The following SCUBE1 variants were observed in gnomAD, a reference collection of about 807,000 sequenced individuals.
SCUBE1 encodes the protein signal peptide, CUB domain and EGF like domain containing 1.
A neutral mutation model predicts 124.4 loss-of-function variants in SCUBE1; 59 were observed. That is an observed-to-expected ratio of 0.47 (90% CI 0.38 to 0.59). The LOEUF (loss-of-function observed/expected upper bound fraction) is 0.59, where lower values mean the gene tolerates loss of function less well. Among genes scored for constraint, SCUBE1 ranks in the 20% least tolerant of loss-of-function variants. SCUBE1 has a pLI of 0.00. For missense variants in SCUBE1, 1,150 were observed against 1,371.2 expected (o/e 0.84, Z 2.55); for synonymous variants, 545 against 550.9 (o/e 0.99, Z 0.15).
chr22:43,298,592 C>T (rs1345479297), intron 3 of SCUBE1, among the ~76,000 whole-genome samples: 1 of 152,248 alleles, frequency 6.6e-6, no homozygotes, highest in Admixed American at 6.5e-5. Context: ...TCCAGCCCAG[C>T]CGCTGCCCTG....
At chr22:43,330,579 G>A (rs772656424) in intron 2 of SCUBE1, among the ~76,000 whole-genome samples, 8 of 152,242 alleles carry the variant, frequency 5.3e-5, no homozygotes, top group Non-Finnish European at 1.0e-4. Context: ...CAGAGTAGGT[G>A]CTCAGTGAAC....
At chr22:43,274,539 G>A (rs1277959537) in intron 4 of SCUBE1, among the ~76,000 whole-genome samples, 1 of 152,160 alleles carries the variant, frequency 6.6e-6, no homozygotes, top group East Asian at 1.9e-4. Context: ...ACAGGGAAAA[G>A]GTCTGTTTTT....
At chr22:43,271,120 T>C (rs1470384687) in intron 4 of SCUBE1, among the ~76,000 whole-genome samples, 5 of 152,196 alleles carry the variant, frequency 3.3e-5, no homozygotes. Context: ...GAGATGCTGT[T>C]TCTGTGTCAC....
intron 4 of SCUBE1, among the ~76,000 whole-genome samples, chr22:43,286,277 T>C (rs1925138548): frequency 1.3e-5 from 2 of 152,270 alleles, no homozygotes; most frequent in East Asian, 3.8e-4. Context: ...GGTCACGAGA[T>C]GGTCCATGGT....
At chr22:43,252,255 T>A (rs1360624976) in intron 6 of SCUBE1, among the ~76,000 whole-genome samples, 1 of 152,370 alleles carries the variant, frequency 6.6e-6, no homozygotes, top group East Asian at 1.9e-4. Context: ...GACTTACAAC[T>A]GCGCCTCCCA....
chr22:43,263,996 G>A (rs1336806908), intron 4 of SCUBE1, among the ~76,000 whole-genome samples: 1 of 152,204 alleles, frequency 6.6e-6, no homozygotes, highest in Non-Finnish European at 1.5e-5. Context: ...ATAGTGGCGT[G>A]CGGTCAACGC....
intron 10 of SCUBE1, among the ~76,000 whole-genome samples, chr22:43,225,961 A>C (rs1012404732): frequency 9.2e-5 from 14 of 152,226 alleles, no homozygotes; most frequent in African/African-American, 3.1e-4. Flanking sequence ...GCAGAAGAGC[A>C]GCAGTTGACT....
At chr22:43,280,245 G>A (rs1324070501) in intron 4 of SCUBE1, among the ~76,000 whole-genome samples, 2 of 152,012 alleles carry the variant, frequency 1.3e-5, no homozygotes, top group African/African-American at 4.8e-5. Flanking sequence ...AGAGAACAAG[G>A]CCCCACCTTG....
intron 2 of SCUBE1, among the ~76,000 whole-genome samples, chr22:43,326,509 C>G (rs1299533132): frequency 1.3e-5 from 2 of 152,126 alleles, no homozygotes; most frequent in Non-Finnish European, 2.9e-5. Flanking sequence ...TTTGTAATGA[C>G]TGAGTAATGA....
chr22:43,198,658 T>C lies in SCUBE1; in HGVS notation c.*5339A>G, dbSNP rs962583637. ...TCTTTGGTGAAAAGGGACCTCAATG[T>C]CAGGTGCAGTTTGCCAGGGTGACCA... On this transcript the variant is annotated 3_prime_UTR_variant, in exon 22 of 22. Transcript: ENST00000360835. 2.2e-6 allele frequency: 1 copy of C among 456,730 alleles called. No individual in the cohort carries two copies. Among genetic ancestry groups the C allele is most frequent in the Admixed American group, 2.3e-5 (1 of 42,582 alleles). The allele number at this position is 456,730 out of a possible 1,614,324, so 28.3% of individuals were successfully genotyped here. A position where few individuals can be genotyped will look rare whatever the true frequency, so the allele number is the denominator to read the frequency against.
chr22:43,218,238 C>A lies in SCUBE1; in HGVS notation c.1891+17G>T, dbSNP rs1263837222. Reference sequence around the variant, plus strand: ...AGGACAGAGTCAGCATCTGAGTGGCCATGGGCAAGGACTCACCGCATTTGC... The same window carrying A: ...AGGACAGAGTCAGCATCTGAGTGGCAATGGGCAAGGACTCACCGCATTTGC... On this transcript the variant is annotated intron_variant, in intron 15 of 21. Coordinates refer to ENST00000360835, the MANE Select transcript of SCUBE1 (RefSeq NM_173050.5). 2 of 1,611,494 alleles carry A rather than the reference C, an allele frequency of 1.2e-6. No individual in the cohort carries two copies. The highest frequency in any genetic ancestry group is 1.7e-6 in the Non-Finnish European group (2 of 1,179,076).
At chr22:43,204,311 T>C (rs557851748) in intron 21 of SCUBE1, among the ~76,000 whole-genome samples, 162 bp from the exon 22 acceptor site, 6 of 152,170 alleles carry the variant, frequency 3.9e-5, no homozygotes, top group Admixed American at 3.3e-4. Context: ...TTTATTTGTT[T>C]ATTTTTTTTG....
Position 43,199,243 on chromosome 22 carries a change from C to T in SCUBE1, c.*4754G>A, listed in dbSNP as rs774582769. ...TTTCTGCTGGGGGTGGTGGAGGCAC[C>T]GGAATAATATTCAACTCCAAAAATG... On this transcript the variant is annotated 3_prime_UTR_variant, in exon 22 of 22. Coordinates refer to ENST00000360835, the MANE Select transcript of SCUBE1 (RefSeq NM_173050.5). 3 of 172,846 alleles carry T rather than the reference C, an allele frequency of 1.7e-5. No individual in the cohort carries two copies. The highest frequency in any genetic ancestry group is 5.8e-5 in the Admixed American group (1 of 17,276). 10.7% of individuals were successfully genotyped at this position (172,846 alleles called of 1,614,324 possible).
chr22:43,277,310 T>G (rs1924567571), intron 4 of SCUBE1, among the ~76,000 whole-genome samples: 1 of 151,432 alleles, frequency 6.6e-6, no homozygotes, highest in African/African-American at 2.4e-5. Context: ...CATGGGAAGG[T>G]CTTGAGTGGG....
rs1241520187 is a variant in SCUBE1 at position 43,211,573 on chromosome 22, A to G, written c.2222-490T>C. Among the ~76,000 whole-genome samples, 1 of 151,058 alleles carries G rather than the reference A, an allele frequency of 6.6e-6. No individual in the cohort carries two copies. Among genetic ancestry groups the G allele is most frequent in the Admixed American group, 6.6e-5 (1 of 15,164 alleles). On this transcript the variant is annotated intron_variant, in intron 17 of 21. Transcript: ENST00000360835. This position sits in a 1 kb window ranked among gnomAD's most constrained non-coding sequence, Gnocchi z 4.5. ...GCTCCGTCACCCAGGCTGGAGTGCA[A>G]TGGTGCCATCTCGGCTCACTGCAAC... is the stretch of plus-strand genomic sequence containing the variant.
At chr22:43,305,154 C>A (rs374219310) in intron 3 of SCUBE1, among the ~76,000 whole-genome samples, 2 of 152,260 alleles carry the variant, frequency 1.3e-5, no homozygotes, top group East Asian at 3.9e-4. Flanking sequence ...GGAGGAGAAG[C>A]GGCACATAAA....
At position 43,294,804 on chromosome 22, in the gene SCUBE1, G is replaced by A. The variant is rs533345387; in HGVS notation, c.350-3624C>T. Reference sequence around the variant, plus strand: ...GGATGGGTCCTGTGTGGCTGGCCCCGTGTGAGAATCCCAGCCCACCCCCAA... The same window carrying A: ...GGATGGGTCCTGTGTGGCTGGCCCCATGTGAGAATCCCAGCCCACCCCCAA... On this transcript the variant is annotated intron_variant, in intron 3 of 21. Coordinates refer to ENST00000360835, the MANE Select transcript of SCUBE1 (RefSeq NM_173050.5). Among the ~76,000 whole-genome samples the A allele has an allele frequency of 3.9e-5, 6 of 152,242 alleles. No homozygotes were observed. In the South Asian group the frequency reaches 6.2e-4, roughly 16 times the overall value.
chr22:43,301,926 G>A (rs923601341), intron 3 of SCUBE1, among the ~76,000 whole-genome samples: 1 of 152,220 alleles, frequency 6.6e-6, no homozygotes, highest in African/African-American at 2.4e-5. Flanking sequence ...CATGGCCTTC[G>A]CTGCCGTATG....
chr22:43,262,544 T>C (rs1968432230), intron 5 of SCUBE1, among the ~76,000 whole-genome samples, 176 bp downstream of exon 5: 1 of 152,158 alleles, frequency 6.6e-6, no homozygotes, highest in Non-Finnish European at 1.5e-5. Context: ...AGGCTAGGGT[T>C]TACAACCCTT....
Sources: allele counts gnomAD v4.1 joint callset (sites outside exome capture counted in the v4.1 genomes callset), GRCh38; gene constraint gnomAD v4.1.1; non-coding constraint Gnocchi (gnomAD v3.1); transcripts MANE v1.5; gene names NCBI Gene and HGNC (gene_info 2026-07-23, HGNC 2026-07-21).